Variants in SDK1 observed in about 807,000 individuals in gnomAD.
SDK1 encodes the protein protein sidekick-1.
SDK1 carries 157 observed loss-of-function variants against 245.5 expected under a neutral mutation model. The observed-to-expected ratio is 0.64, with a 90% CI of 0.56 to 0.73. The LOEUF is 0.73. Ranked by LOEUF, SDK1 falls within the 30% of genes least tolerant of loss-of-function variation. The pLI, the probability that SDK1 is intolerant of heterozygous loss-of-function variation, is 0.00. For synonymous variants in SDK1, 1,647 were observed against 1,278.5 expected (o/e 1.29, Z -6.15); for missense variants, 3,583 against 3,002.3 (o/e 1.19, Z -4.52).
chr7:3,625,008 C>A (rs530712632), intron 2 of SDK1, among the ~76,000 whole-genome samples: 1 of 152,270 alleles, frequency 6.6e-6, no homozygotes, highest in East Asian at 1.9e-4. Context: ...CATTGCACTC[C>A]AGCCTGGGCA....
chr7:4,194,966 C>T (rs1458112274), intron 35 of SDK1, among the ~76,000 whole-genome samples: 1 of 152,026 alleles, frequency 6.6e-6, no homozygotes, highest in Non-Finnish European at 1.5e-5. Flanking sequence ...TTTGAATTCC[C>T]CTGGAATTTT....
rs1189605880 is a variant in SDK1 at position 4,268,874 on chromosome 7, C to G, written c.*3490C>G. 3.7e-6 allele frequency: 2 copies of G among 535,294 alleles called. No homozygotes were observed. The highest frequency in any genetic ancestry group is 2.0e-5 in the African/African-American group (1 of 50,124). The allele number at this position is 535,294 out of a possible 1,614,324, so 33.2% of individuals were successfully genotyped here. A position where few individuals can be genotyped will look rare whatever the true frequency, so the allele number is the denominator to read the frequency against. ...GAGCCGTCAGGTCCCTAAACGTTCC[C>G]TACAACTTTTTCTGAAATTGTGCAG... On this transcript the variant is annotated 3_prime_UTR_variant, in exon 45 of 45. Transcript: ENST00000404826.
chr7:3,489,587 C>T (rs562612711), intron 1 of SDK1, among the ~76,000 whole-genome samples: 1 of 152,280 alleles, frequency 6.6e-6, no homozygotes, highest in African/African-American at 2.4e-5. Context: ...AGGTGCATAT[C>T]TGGAGATAGA....
chr7:3,625,415 A>T (rs542389213), intron 2 of SDK1, among the ~76,000 whole-genome samples: 1 of 152,342 alleles, frequency 6.6e-6, no homozygotes, highest in South Asian at 2.1e-4. Context: ...TGTCTCTAAT[A>T]ACTTGGGATC....
At chr7:3,901,026 C>T (rs1039743333) in intron 5 of SDK1, among the ~76,000 whole-genome samples, 3 of 151,980 alleles carry the variant, frequency 2.0e-5, no homozygotes, top group Non-Finnish European at 4.4e-5. Flanking sequence ...TTAGTAAAAA[C>T]ATCTCCTTAC....
At chr7:4,130,977 G>A (rs578171961) in intron 27 of SDK1, among the ~76,000 whole-genome samples, 5 of 152,242 alleles carry the variant, frequency 3.3e-5, no homozygotes, top group Non-Finnish European at 7.4e-5. Flanking sequence ...CTGAGAGAGT[G>A]CCACCCCTGA....
chr7:3,971,568 G>C lies in SDK1; in HGVS notation c.1817G>C (p.Arg606Pro). Reference sequence around the variant, plus strand: ...ACACATGACCCCCGGGTTTCACTCCGGTCAGCACAATCAGTTACAATGCTT... The same window carrying C: ...ACACATGACCCCCGGGTTTCACTCCCGTCAGCACAATCAGTTACAATGCTT... ...GATHDPRVSLRYVWKKDNVAL... is the reference protein window; with the variant it reads ...GATHDPRVSLPYVWKKDNVAL... Residue 606 changes from arginine (R) to proline (P), a missense_variant and splice_region_variant, in exon 12 of 45, where the codon CGC (arginine) becomes CCC (proline). Coordinates refer to ENST00000404826, the MANE Select transcript of SDK1 (RefSeq NM_152744.4). 6.2e-7 allele frequency: 1 copy of C among 1,605,322 alleles called. No homozygotes were observed. The highest frequency in any genetic ancestry group is 8.5e-7 in the Non-Finnish European group (1 of 1,173,824).
At position 4,244,125 on chromosome 7, in the gene SDK1, C is replaced by G. The variant is rs546325150; in HGVS notation, c.6252-1551C>G. Reference sequence around the variant, plus strand: ...GGGAGACAACACCCACGACACAAAACCAGAGGTCTCCATCCCCTCCAGCCT... The same window carrying G: ...GGGAGACAACACCCACGACACAAAAGCAGAGGTCTCCATCCCCTCCAGCCT... On this transcript the variant is annotated intron_variant, in intron 43 of 44. Transcript: ENST00000404826. Among the ~76,000 whole-genome samples, 59 of 152,272 alleles carry G rather than the reference C, an allele frequency of 3.9e-4. 1 individual carries two copies. The South Asian group carries it at 0.012, about 31-fold the overall frequency.
At chr7:3,678,900 A>G (rs1469649611) in intron 4 of SDK1, among the ~76,000 whole-genome samples, 1 of 152,196 alleles carries the variant, frequency 6.6e-6, no homozygotes, top group Non-Finnish European at 1.5e-5. Context: ...CCTGACCTAA[A>G]CCTCACATTT....
intron 1 of SDK1, among the ~76,000 whole-genome samples, chr7:3,363,918 A>G (rs1360324301): frequency 6.6e-6 from 1 of 152,366 alleles, no homozygotes; most frequent in East Asian, 1.9e-4. Context: ...CGTTGTCACC[A>G]GAAATGTGTG....
chr7:4,108,126 C>G (rs1241950223), intron 22 of SDK1, among the ~76,000 whole-genome samples: 3 of 152,138 alleles, frequency 2.0e-5, no homozygotes, highest in Non-Finnish European at 1.5e-5. Context: ...AGTTCATTCT[C>G]TTTTTGCCCA....
At chr7:3,723,401 CT>C (rs1362107613) in intron 4 of SDK1, among the ~76,000 whole-genome samples, 1 of 152,164 alleles carries the variant, frequency 6.6e-6, no homozygotes, top group East Asian at 1.9e-4. Context: ...CTTCTAAGGG[CT>C]GCTACTATAT....
intron 32 of SDK1, among the ~76,000 whole-genome samples, chr7:4,165,011 A>C (rs1458123533): frequency 2.0e-5 from 3 of 152,244 alleles, no homozygotes. Context: ...ATAGATTTGC[A>C]TTCCAAATAA....
intron 30 of SDK1, among the ~76,000 whole-genome samples, chr7:4,152,103 G>A (rs73035583): frequency 3.3e-4 from 51 of 152,348 alleles, no homozygotes; most frequent in Non-Finnish European, 6.2e-4. Flanking sequence ...CTGGAGCGGG[G>A]ATCCTGCTGT....
At chr7:4,187,904 A>T (rs551853094) in intron 35 of SDK1, among the ~76,000 whole-genome samples, 46 of 152,344 alleles carry the variant, frequency 3.0e-4, no homozygotes, top group African/African-American at 1.1e-3. Flanking sequence ...AAGACTGGGT[A>T]ATTTATAAAG....
At chr7:4,183,097 C>T (rs1350541948) in intron 35 of SDK1, among the ~76,000 whole-genome samples, 3 of 152,042 alleles carry the variant, frequency 2.0e-5, no homozygotes, top group East Asian at 1.9e-4. Context: ...CATCACGGGG[C>T]GTGGAAAACG....
chr7:4,220,048 C>T (rs1164367352), intron 38 of SDK1, 61 bp from the exon 39 acceptor site: 49 of 1,565,956 alleles, frequency 3.1e-5, no homozygotes, highest in Non-Finnish European at 4.0e-5. Context: ...ACAGAACAGA[C>T]AGTGGACAGT....
intron 35 of SDK1, among the ~76,000 whole-genome samples, chr7:4,180,489 C>G (rs1197203914): frequency 6.6e-6 from 1 of 151,134 alleles, no homozygotes; most frequent in African/African-American, 2.4e-5. Context: ...GGCTCCAGCT[C>G]TATGCCCAGT....
intron 5 of SDK1, among the ~76,000 whole-genome samples, chr7:3,833,335 G>A (rs1275212789): frequency 6.6e-6 from 1 of 152,126 alleles, no homozygotes; most frequent in African/African-American, 2.4e-5. Flanking sequence ...GACATTAACG[G>A]CCATGTCTGG....
Sources: gnomAD v4.1 joint callset for allele counts (sites outside exome capture counted in the v4.1 genomes callset) on GRCh38, gnomAD v4.1.1 for gene constraint, MANE v1.5 for transcripts, NCBI Gene and HGNC (gene_info 2026-07-23, HGNC 2026-07-21) for gene names.